FBXO38: variants seen among roughly 807,000 people sequenced by gnomAD.
FBXO38 encodes F-box only protein 38.
In FBXO38, 53 loss-of-function variants were observed where a neutral mutation model predicts 131.9. The ratio of observed to expected loss-of-function variants is 0.40; its 90% CI spans 0.32 to 0.51. The LOEUF is 0.51. Ranked by LOEUF, FBXO38 falls within the 20% of genes least tolerant of loss-of-function variation. FBXO38 has a pLI of 0.53. For missense variants in FBXO38, 1,076 were observed against 1,475.6 expected, an observed-to-expected ratio of 0.73 and a Z score of 4.44; for synonymous variants, 452 against 505.6, an observed-to-expected ratio of 0.89 and a Z score of 1.42.
intron 5 of FBXO38, 132 bp downstream of exon 5, chr5:148,402,645 G>C: frequency 1.3e-6 from 1 of 793,388 alleles, no homozygotes; most frequent in Non-Finnish European, 1.9e-6. Context: ...ATGTTTGCAA[G>C]ATCTGTATAA....
At chr5:148,418,335 T>C (rs1479803385) in intron 12 of FBXO38, among the ~76,000 whole-genome samples, 2 of 152,304 alleles carry the variant, frequency 1.3e-5, no homozygotes, top group East Asian at 3.9e-4. Context: ...GATATCTTTC[T>C]CTACACATTT....
rs567460238 is a variant in FBXO38, at chr5:148,420,872, G to A, written c.1619-3126G>A. 5.3e-5 allele frequency among the ~76,000 whole-genome samples: 8 copies of A among 151,964 alleles called. No individual in the cohort carries two copies. In the South Asian group the frequency reaches 1.7e-3, roughly 32 times the overall value. ...TTGGGATCTCATATGTTGCCCAGGC[G>A]GTCTCAACTCCTGGGCTCAAGCAAT... On this transcript the variant is annotated intron_variant, in intron 12 of 21. Transcript: ENST00000340253.
chr5:148,421,945 G>A (rs967636988), intron 12 of FBXO38, among the ~76,000 whole-genome samples: 2 of 151,714 alleles, frequency 1.3e-5, no homozygotes, highest in Admixed American at 1.3e-4. Flanking sequence ...TCTCCAAGAC[G>A]TTGAGTCATT....
intron 6 of FBXO38, among the ~76,000 whole-genome samples, chr5:148,405,737 CCT>C (rs1561522660): frequency 6.6e-6 from 1 of 152,112 alleles, no homozygotes; most frequent in Non-Finnish European, 1.5e-5. Context: ...TTACTTTTCT[CCT>C]CTTTCTTTTT....
At position 148,417,200 on chromosome 5, in the gene FBXO38, T is replaced by A; in HGVS notation, c.1614T>A (p.Ala538=). 1 of 1,605,936 alleles carries A rather than the reference T, an allele frequency of 6.2e-7. No individual in the cohort carries two copies. Among genetic ancestry groups the A allele is most frequent in the Non-Finnish European group, 8.5e-7 (1 of 1,172,708 alleles). The change falls in exon 12 of 22, where the codon GCT becomes GCA. Residue 538 remains alanine (A), a synonymous_variant. Coordinates refer to ENST00000340253, the MANE Select transcript of FBXO38 (RefSeq NM_205836.3). ...AGCCAGGAGAGCAGCAGTTTGCAGC[T>A]GACGGTAACCCAGATCTTTTATGAG... The part of the protein sequence containing the change: ...DLQPGEQQFA[A]DALNEMEDIV...
At chr5:148,401,263 C>G (rs952689184) in intron 3 of FBXO38, among the ~76,000 whole-genome samples, 1 of 152,166 alleles carries the variant, frequency 6.6e-6, no homozygotes, top group African/African-American at 2.4e-5. Context: ...CCAACAGCTC[C>G]TGCTGTGGAA....
intron 1 of FBXO38, among the ~76,000 whole-genome samples, chr5:148,394,442 A>C (rs1436515954): frequency 6.6e-6 from 1 of 152,170 alleles, no homozygotes; most frequent in East Asian, 1.9e-4. Context: ...GCAACAGTAC[A>C]AATTAAAGCA....
chr5:148,439,805 G>C lies in FBXO38; in HGVS notation c.3170+13G>C, dbSNP rs1386772834. Reference sequence around the variant, plus strand: ...CAAACATCAATCAGTAAGTAACTTTGTGGCCCTTAAAGGCCTTTTGAGTCA... The same window carrying C: ...CAAACATCAATCAGTAAGTAACTTTCTGGCCCTTAAAGGCCTTTTGAGTCA... On this transcript the variant is annotated intron_variant, in intron 19 of 21. Coordinates refer to ENST00000340253, the MANE Select transcript of FBXO38 (RefSeq NM_205836.3). 1 of 1,613,174 alleles carries C rather than the reference G, an allele frequency of 6.2e-7. No individual in the cohort carries two copies. Among genetic ancestry groups the C allele is most frequent in the Non-Finnish European group, 8.5e-7 (1 of 1,179,498 alleles).
At position 148,410,694 on chromosome 5, in the gene FBXO38, A is replaced by G. The variant is rs889149643; in HGVS notation, c.1022A>G (p.Lys341Arg). Residue 341 changes from lysine (K) to arginine (R), a missense_variant, in exon 9 of 22, where the codon AAG (lysine) becomes AGG (arginine). Lys to Arg is a conservative substitution (Grantham distance 26). This residue lies in a region of FBXO38 where 146 missense variants were observed against 274.3 expected (regional missense o/e 0.53). Transcript: ENST00000340253. Reference sequence around the variant, plus strand: ...AAAGATGGTGTCTTTTCTGCCCTAAAGATGGCAGAGTTGGAGTTTCCCCAG... The same window carrying G: ...AAAGATGGTGTCTTTTCTGCCCTAAGGATGGCAGAGTTGGAGTTTCCCCAG... ...LTKDGVFSAL[K>R]MAELEFPQFE... The G allele has an allele frequency of 3.1e-6, 5 of 1,613,922 alleles. No individual in the cohort carries two copies. Among genetic ancestry groups the G allele is most frequent in the Non-Finnish European group, 3.4e-6 (4 of 1,179,816 alleles).
chr5:148,393,126 A>G (rs1239031943), intron 1 of FBXO38, among the ~76,000 whole-genome samples: 2 of 151,150 alleles, frequency 1.3e-5, no homozygotes, highest in African/African-American at 4.9e-5. Flanking sequence ...CCCATATACC[A>G]GTCCACACAC....
chr5:148,392,656 T>C (rs1758263003), intron 1 of FBXO38, among the ~76,000 whole-genome samples: 1 of 149,748 alleles, frequency 6.7e-6, no homozygotes, highest in Admixed American at 6.7e-5. Context: ...ATGAGTACAA[T>C]TGCCCAGGGA....
chr5:148,414,312 A>G lies in FBXO38; in HGVS notation c.1264+6A>G. On this transcript the variant is annotated splice_donor_region_variant and intron_variant, in intron 10 of 21. Coordinates refer to ENST00000340253, the MANE Select transcript of FBXO38 (RefSeq NM_205836.3). ...CCCATACAATTGGATCTCAGGTATT[A>G]CAGACTTAAAAATACAGCTATGTTT... The G allele has an allele frequency of 1.3e-6, 2 of 1,582,848 alleles. No individual in the cohort carries two copies. The highest frequency in any genetic ancestry group is 1.7e-6 in the Non-Finnish European group (2 of 1,166,794).
intron 9 of FBXO38, among the ~76,000 whole-genome samples, chr5:148,412,239 G>A (rs999808138): frequency 6.6e-6 from 1 of 151,992 alleles, no homozygotes; most frequent in South Asian, 2.1e-4. Context: ...TCTTCCATAT[G>A]CATACTATCT....
chr5:148,437,722 C>T (rs754920836), intron 17 of FBXO38, among the ~76,000 whole-genome samples: 3 of 151,982 alleles, frequency 2.0e-5, no homozygotes, highest in Admixed American at 2.0e-4. Flanking sequence ...TTACTTTTTT[C>T]TGACTTCATG....
At chr5:148,385,264 G>T (rs1197323201) in intron 1 of FBXO38, among the ~76,000 whole-genome samples, 2 of 152,158 alleles carry the variant, frequency 1.3e-5, no homozygotes, top group African/African-American at 4.8e-5. Context: ...AGAATGTAGA[G>T]TTTTGTGTGC....
chr5:148,407,476 A>G (rs1321171596), intron 7 of FBXO38, among the ~76,000 whole-genome samples: 1 of 152,234 alleles, frequency 6.6e-6, no homozygotes, highest in African/African-American at 2.4e-5. Context: ...AAATTTAAAA[A>G]AATAACTTAG....
At chr5:148,431,951 A>G (rs1449572793) in intron 15 of FBXO38, among the ~76,000 whole-genome samples, 2 of 152,204 alleles carry the variant, frequency 1.3e-5, no homozygotes, top group African/African-American at 4.8e-5. Context: ...AAGACTTCAC[A>G]TGGTGGAGAA....
intron 2 of FBXO38, among the ~76,000 whole-genome samples, 176 bp downstream of exon 2, chr5:148,395,080 A>G (rs1231824729): frequency 6.6e-6 from 1 of 152,202 alleles, no homozygotes; most frequent in Non-Finnish European, 1.5e-5. Flanking sequence ...TAGTAGCCAT[A>G]TGTGGCTAGT....
In FBXO38 at chr5:148,438,315, T is replaced by C; in HGVS notation, c.2858-17T>C. On this transcript the variant is annotated splice_polypyrimidine_tract_variant and intron_variant, in intron 17 of 21. Coordinates refer to ENST00000340253, the MANE Select transcript of FBXO38 (RefSeq NM_205836.3). ...AAGATGATATGTACGGAGCTTACCA[T>C]TGTTTTCATTTTGTAGCTACCAGGT... 3 of 1,613,052 alleles carry C rather than the reference T, an allele frequency of 1.9e-6. No homozygotes were observed. Among genetic ancestry groups the C allele is most frequent in the East Asian group, 2.2e-5 (1 of 44,848 alleles).
Sources: gnomAD v4.1 joint callset for allele counts (sites outside exome capture counted in the v4.1 genomes callset) on GRCh38, gnomAD v4.1.1 for gene constraint, gnomAD v4.1.1 regional missense constraint, MANE v1.5 for transcripts, NCBI Gene and HGNC (gene_info 2026-07-23, HGNC 2026-07-21) for gene names.